Variants in CELF4 observed in about 807,000 individuals in gnomAD.
The protein encoded by CELF4 is CUG-BP- and ETR-3-like factor 4.
A neutral mutation model predicts 59.9 loss-of-function variants in CELF4; 18 were observed. The ratio of observed to expected loss-of-function variants is 0.30; its 90% CI spans 0.21 to 0.45. CELF4 has a LOEUF of 0.45. Among genes scored for constraint, CELF4 ranks in the 20% least tolerant of loss-of-function variants. CELF4 has a pLI of 1.00. For synonymous variants in CELF4, 261 were observed against 267.1 expected (o/e 0.98, Z 0.22); for missense variants, 456 against 689.0 (o/e 0.66, Z 3.79).
chr18:37,447,625 G>T (rs527287718), intron 2 of CELF4, among the ~76,000 whole-genome samples: 71 of 152,360 alleles, frequency 4.7e-4, no homozygotes, highest in African/African-American at 1.7e-3. Flanking sequence ...CTGCTGGAGG[G>T]CTCAGAGCCC....
chr18:37,312,201 A>T (rs1293122314), intron 3 of CELF4, among the ~76,000 whole-genome samples: 1 of 151,676 alleles, frequency 6.6e-6, no homozygotes, highest in Non-Finnish European at 1.5e-5. Context: ...CTGCACTGTG[A>T]TCTAGGGAAC....
chr18:37,504,838 T>C (rs1388108295), intron 1 of CELF4, among the ~76,000 whole-genome samples: 1 of 152,240 alleles, frequency 6.6e-6, no homozygotes, highest in African/African-American at 2.4e-5. Flanking sequence ...ATTATGGATC[T>C]AATTTGGCAT....
intron 3 of CELF4, among the ~76,000 whole-genome samples, chr18:37,300,662 C>T (rs752377022): frequency 1.3e-5 from 2 of 152,198 alleles, no homozygotes; most frequent in African/African-American, 2.4e-5. Context: ...CCTGTCTGCA[C>T]GGAGCTCATC....
chr18:37,417,599 G>A (rs1206402660), intron 2 of CELF4, among the ~76,000 whole-genome samples: 1 of 152,208 alleles, frequency 6.6e-6, no homozygotes, highest in Non-Finnish European at 1.5e-5. Context: ...GCTTCTTGCA[G>A]CACTGGCCAG....
rs138579435 is a variant in CELF4 at position 37,408,416 on chromosome 18, G to A, written c.369+77109C>T. On this transcript the variant is annotated intron_variant, in intron 2 of 12. Coordinates refer to ENST00000420428, the MANE Select transcript of CELF4 (RefSeq NM_020180.4). ...CTTTCCAGGAACGTAAGAATCTGCT[G>A]TTTCTCAGCTACCCTGACTACACAC... Among the ~76,000 whole-genome samples the A allele has an allele frequency of 7.8e-4, 114 of 145,986 alleles. 1 individual carries two copies. The highest frequency in any genetic ancestry group is 2.6e-3 in the African/African-American group (103 of 40,102).
chr18:37,553,861 A>T (rs1603644056), intron 1 of CELF4, among the ~76,000 whole-genome samples: 1 of 152,256 alleles, frequency 6.6e-6, no homozygotes, highest in East Asian at 1.9e-4. Flanking sequence ...GGAGCTGGGC[A>T]CTTCAGACTG....
chr18:37,554,642 T>C (rs2099984245), intron 1 of CELF4, among the ~76,000 whole-genome samples: 1 of 152,158 alleles, frequency 6.6e-6, no homozygotes, highest in Admixed American at 6.5e-5. Context: ...AAACAGAGAA[T>C]GATCAAAAAG....
At chr18:37,520,501 C>T (rs542242817) in intron 1 of CELF4, among the ~76,000 whole-genome samples, 1 of 148,620 alleles carries the variant, frequency 6.7e-6, no homozygotes, top group South Asian at 2.2e-4. Flanking sequence ...CTTGACTCAG[C>T]TGGCAGAGGG....
intron 2 of CELF4, among the ~76,000 whole-genome samples, chr18:37,387,214 T>C (rs559910): frequency 0.51 from 77,454 of 152,198 alleles, 20,319 homozygotes; most frequent in East Asian, 0.68. Flanking sequence ...TCCCTGCCTT[T>C]TCCCGGCAAC....
chr18:37,439,449 C>T (rs1035178950), intron 2 of CELF4, among the ~76,000 whole-genome samples: 2 of 152,112 alleles, frequency 1.3e-5, no homozygotes, highest in Non-Finnish European at 2.9e-5. Context: ...GTCTGAAATA[C>T]TGAGGAGCTC....
chr18:37,559,233 C>T (rs1417732848), intron 1 of CELF4, among the ~76,000 whole-genome samples: 1 of 152,112 alleles, frequency 6.6e-6, no homozygotes, highest in African/African-American at 2.4e-5. Flanking sequence ...TGCATATAGC[C>T]TTGCAAGATT....
chr18:37,440,707 G>A lies in CELF4; in HGVS notation c.369+44818C>T, dbSNP rs546070177. Among the ~76,000 whole-genome samples the A allele has an allele frequency of 2.0e-5, 3 of 152,282 alleles. No homozygotes were observed. The South Asian group carries it at 6.2e-4, about 32-fold the overall frequency. On this transcript the variant is annotated intron_variant, in intron 2 of 12. Coordinates refer to ENST00000420428, the MANE Select transcript of CELF4 (RefSeq NM_020180.4). Reference sequence around the variant, plus strand: ...CAATGAGTGGCCTGGAGGGGAGAGCGAGGATATTGGCTGCAGTCATCTAGT... The same window carrying A: ...CAATGAGTGGCCTGGAGGGGAGAGCAAGGATATTGGCTGCAGTCATCTAGT...
intron 2 of CELF4, among the ~76,000 whole-genome samples, chr18:37,448,428 G>A (rs1003003436): frequency 6.6e-6 from 1 of 152,348 alleles, no homozygotes; most frequent in East Asian, 1.9e-4. Flanking sequence ...ACTGACAGCT[G>A]AGCCCCCTGG....
intron 2 of CELF4, among the ~76,000 whole-genome samples, chr18:37,423,831 A>T (rs2099595107): frequency 6.6e-6 from 1 of 151,934 alleles, no homozygotes; most frequent in African/African-American, 2.4e-5. Context: ...TGAGAGGCTC[A>T]CAGATCTTTG....
intron 2 of CELF4, among the ~76,000 whole-genome samples, chr18:37,337,103 G>A (rs2097795909): frequency 6.6e-6 from 1 of 151,840 alleles, no homozygotes; most frequent in African/African-American, 2.4e-5. Flanking sequence ...AGCATCTCCT[G>A]TCTCTGCTTC....
At chr18:37,392,212 G>GCTGGTGAC (rs1229166226) in intron 2 of CELF4, among the ~76,000 whole-genome samples, 1 of 152,150 alleles carries the variant, frequency 6.6e-6, no homozygotes, top group African/African-American at 2.4e-5. Flanking sequence ...GAGCTGGTGA[G>GCTGGTGAC]CTGGGGCTAG....
rs1191503780 is a variant in CELF4, at chr18:37,266,644, G to A, written c.1100-46C>T. On this transcript the variant is annotated intron_variant, in intron 8 of 12. Coordinates refer to ENST00000420428, the MANE Select transcript of CELF4 (RefSeq NM_020180.4). ...AGAGGTCAGCAGTGCCCACCACACT[G>A]GCCCTTCCCCTCATGCCCATGGGGA... The A allele has an allele frequency of 6.1e-6, 9 of 1,466,914 alleles. No individual in the cohort carries two copies. The Admixed American group carries it at 8.0e-5, about 13-fold the overall frequency. 90.9% of individuals were successfully genotyped at this position (1,466,914 alleles called of 1,614,324 possible).
intron 1 of CELF4, among the ~76,000 whole-genome samples, chr18:37,530,959 C>T (rs867049055): frequency 1.3e-5 from 2 of 148,626 alleles, no homozygotes; most frequent in Non-Finnish European, 3.0e-5. Flanking sequence ...CTGATGCTGC[C>T]AGTAGTATCT....
intron 3 of CELF4, among the ~76,000 whole-genome samples, chr18:37,291,734 T>C (rs541627539): frequency 3.3e-5 from 5 of 152,198 alleles, no homozygotes; most frequent in South Asian, 2.1e-4. Context: ...TCCCACCACA[T>C]TGGGGACATC....
Sources: allele counts gnomAD v4.1 joint callset (sites outside exome capture counted in the v4.1 genomes callset), GRCh38; gene constraint gnomAD v4.1.1; transcripts MANE v1.5; gene names NCBI Gene and HGNC (gene_info 2026-07-23, HGNC 2026-07-21).